FBN2: variants seen among roughly 807,000 people sequenced by gnomAD.
FBN2 encodes fibrillin-2.
FBN2 carries 105 observed loss-of-function variants against 355.6 expected under a neutral mutation model. That is an observed-to-expected ratio of 0.30 (90% CI 0.25 to 0.35). The LOEUF is 0.35. Among genes scored for constraint, FBN2 ranks in the 10% least tolerant of loss-of-function variants. The pLI, the probability that FBN2 is intolerant of heterozygous loss-of-function variation, is 1.00. For synonymous variants in FBN2, 1,350 were observed against 1,301.2 expected, an observed-to-expected ratio of 1.04 and a Z score of -0.81; for missense variants, 3,280 against 3,758.7, an observed-to-expected ratio of 0.87 and a Z score of 3.33.
intron 11 of FBN2, among the ~76,000 whole-genome samples, chr5:128,380,949 A>C (rs1381235036): frequency 6.6e-6 from 1 of 152,080 alleles, no homozygotes; most frequent in Non-Finnish European, 1.5e-5. Context: ...TAACCTCCTA[A>C]AATAAATTTT....
chr5:128,300,121 A>G (rs1044072845), intron 48 of FBN2, among the ~76,000 whole-genome samples: 2 of 152,252 alleles, frequency 1.3e-5, no homozygotes, highest in Non-Finnish European at 2.9e-5. Context: ...ATAGAATTGG[A>G]TAATTCAAAG....
chr5:128,393,089 C>T, intron 10 of FBN2, 46 bp downstream of exon 10: 1 of 1,411,628 alleles, frequency 7.1e-7, no homozygotes, highest in Non-Finnish European at 1.0e-6. Context: ...TATAATGTCA[C>T]TTGAGGCAGG....
At chr5:128,384,969 A>G (rs1418281505) in intron 11 of FBN2, among the ~76,000 whole-genome samples, 11 of 152,132 alleles carry the variant, frequency 7.2e-5, no homozygotes, top group Non-Finnish European at 1.5e-4. Context: ...TTAGAACTCC[A>G]TATGAAATGG....
intron 62 of FBN2, among the ~76,000 whole-genome samples, chr5:128,269,141 G>A (rs6896100): frequency 0.02 from 3,102 of 151,868 alleles, 122 homozygotes; most frequent in African/African-American, 0.072. Context: ...CTGACCAGGC[G>A]CAGTGGCTCA....
At position 128,301,462 on chromosome 5, in the gene FBN2, C is replaced by T. The variant is rs189964478; in HGVS notation, c.5966G>A (p.Arg1989His). The change falls in exon 47 of 65, where the codon CGT (arginine) becomes CAT (histidine). Residue 1989 changes from arginine to histidine, a missense_variant. Physicochemically the swap from Arg to His is conservative, Grantham distance 29 (BLOSUM62 0). Coordinates refer to ENST00000262464, the MANE Select transcript of FBN2 (RefSeq NM_001999.4). ...GAAAGAACCAATTTCATTAAAACAA[C>T]GTCCATTTCTGCACACCTGACCAAA... ...SFFGQVCRNG[R>H]CFNEIGSFKC... The T allele has an allele frequency of 1.2e-5, 20 of 1,613,294 alleles. No individual in the cohort carries two copies. The highest frequency in any genetic ancestry group is 6.7e-5 in the African/African-American group (5 of 75,018).
chr5:128,307,245 A>G, intron 41 of FBN2, 42 bp from the exon 42 acceptor site: 2 of 1,096,008 alleles, frequency 1.8e-6, no homozygotes, highest in Admixed American at 1.7e-5. Context: ...AAATTTCTCA[A>G]ATTCCTTCAA....
At chr5:128,417,637 G>A (rs1203553304) in intron 7 of FBN2, among the ~76,000 whole-genome samples, 2 of 152,152 alleles carry the variant, frequency 1.3e-5, no homozygotes, top group African/African-American at 2.4e-5. Flanking sequence ...TTCTGCTGAT[G>A]TGATGTATAA....
intron 47 of FBN2, among the ~76,000 whole-genome samples, chr5:128,301,149 A>G (rs759300314): frequency 3.7e-4 from 56 of 152,214 alleles, no homozygotes; most frequent in Non-Finnish European, 7.2e-4. Context: ...GTCTTTGCTT[A>G]CTTTTCTTAA....
intron 7 of FBN2, among the ~76,000 whole-genome samples, chr5:128,439,009 G>A (rs1753847955): frequency 6.6e-6 from 1 of 151,988 alleles, no homozygotes. Context: ...TTATGAAAAT[G>A]TTTACAAATT....
At chr5:128,473,584 C>T (rs35724362) in intron 5 of FBN2, among the ~76,000 whole-genome samples, 8,978 of 152,258 alleles carry the variant, frequency 0.059, 372 homozygotes, top group Non-Finnish European at 0.083. Context: ...TTTACCCCTA[C>T]ACTATGTTCC....
intron 7 of FBN2, among the ~76,000 whole-genome samples, chr5:128,411,676 G>T (rs1248068415): frequency 6.6e-6 from 1 of 152,158 alleles, no homozygotes; most frequent in Non-Finnish European, 1.5e-5. Flanking sequence ...GTGGGCCAGG[G>T]TGGTTTTGGA....
chr5:128,424,679 C>T (rs1458041110), intron 7 of FBN2, among the ~76,000 whole-genome samples: 3 of 152,046 alleles, frequency 2.0e-5, no homozygotes, highest in Non-Finnish European at 4.4e-5. Flanking sequence ...GCTTTTTGTT[C>T]ACTTAGGCTG....
intron 5 of FBN2, among the ~76,000 whole-genome samples, chr5:128,517,304 C>G (rs982453607): frequency 4.6e-5 from 7 of 152,050 alleles, no homozygotes; most frequent in African/African-American, 1.4e-4. Flanking sequence ...ACCTGACTCC[C>G]AGAAAAATGA....
Position 128,393,217 on chromosome 5 carries a change from G to T in FBN2, c.1383C>A (p.Ile461=), listed in dbSNP as rs1305126016. 1.9e-6 allele frequency: 3 copies of T among 1,614,050 alleles called. No homozygotes were observed. Among genetic ancestry groups the T allele is most frequent in the Admixed American group, 1.7e-5 (1 of 60,002 alleles). Residue 461 remains isoleucine, a synonymous_variant, in exon 10 of 65, where the codon ATC becomes ATA. Transcript: ENST00000262464. ...YGPGGTGFIP[I]PGGNGFSPGV... ...CAGGAGAAAAGCCATTGCCTCCAGG[G>T]ATGGGGATGAAGCCTGTCCCTCCTG...
chr5:128,463,067 G>A (rs1422293620), intron 6 of FBN2, among the ~76,000 whole-genome samples: 1 of 152,020 alleles, frequency 6.6e-6, no homozygotes, highest in Admixed American at 6.5e-5. Context: ...TAAACAAAAA[G>A]TAGTACTATA....
At position 128,364,722 on chromosome 5, in the gene FBN2, A is replaced by C. The variant is rs1468565649; in HGVS notation, c.2306T>G (p.Ile769Ser). The change falls in exon 18 of 65, where the codon ATC becomes AGC. Residue 769 changes from isoleucine (I) to serine (S), a missense_variant. By Grantham distance (142) the Ile-to-Ser change is moderately radical. This residue lies in a region of FBN2 where 2,284 missense variants were observed against 2,749.5 expected (regional missense o/e 0.83). Transcript: ENST00000262464. The stretch of plus-strand genomic sequence containing the variant: ...ATCAGGATCCAAAGCACATTCATTG[A>C]TATCTGCATTAAATATTGAAAGTTT... ...GVGITVDGRD[I>S]NECALDPDIC... The C allele has an allele frequency of 6.2e-7, 1 of 1,612,222 alleles. No homozygotes were observed. Among genetic ancestry groups the C allele is most frequent in the Non-Finnish European group, 8.5e-7 (1 of 1,178,442 alleles).
chr5:128,468,552 G>A (rs1754773996), intron 5 of FBN2, among the ~76,000 whole-genome samples: 1 of 152,162 alleles, frequency 6.6e-6, no homozygotes, highest in Non-Finnish European at 1.5e-5. Context: ...TTATTTTCCA[G>A]AATAGGTTCA....
chr5:128,276,281 GC>G, intron 58 of FBN2, 121 bp from the exon 59 acceptor site: 1 of 1,010,868 alleles, frequency 9.9e-7, no homozygotes, highest in Non-Finnish European at 1.5e-6. Context: ...GTGGAATATA[GC>G]CAGAGAGAAA....
chr5:128,458,459 C>G (rs1411994327), intron 6 of FBN2, among the ~76,000 whole-genome samples: 1 of 151,240 alleles, frequency 6.6e-6, no homozygotes, highest in Non-Finnish European at 1.5e-5. Context: ...TCAAGTGGAC[C>G]TACTAGATGC....
Sources: allele counts gnomAD v4.1 joint callset (sites outside exome capture counted in the v4.1 genomes callset), GRCh38; gene constraint gnomAD v4.1.1; regional missense constraint gnomAD v4.1.1; transcripts MANE v1.5; gene names NCBI Gene and HGNC (gene_info 2026-07-23, HGNC 2026-07-21).